KIAA0825: variants seen among roughly 807,000 people sequenced by gnomAD.
The protein encoded by KIAA0825 is KIAA0825, also known as uncharacterized protein KIAA0825.
Under a neutral mutation model 147.6 loss-of-function variants are expected in KIAA0825, and 119 were observed. The observed-to-expected ratio is 0.81, with a 90% confidence interval of 0.69 to 0.94. KIAA0825 has a LOEUF of 0.94. KIAA0825 is among the 40% of genes least tolerant of loss of function. KIAA0825 has a pLI of 0.00. For synonymous variants in KIAA0825, 470 were observed against 518.1 expected (o/e 0.91, Z 1.26); for missense variants, 1,381 against 1,472.7 (o/e 0.94, Z 1.02).
At chr5:94,307,534 A>G (rs1261764847) in intron 20 of KIAA0825, among the ~76,000 whole-genome samples, 2 of 151,716 alleles carry the variant, frequency 1.3e-5, no homozygotes, top group Non-Finnish European at 3.0e-5. Flanking sequence ...GATTTCTTCT[A>G]TTTCAACAAA....
At chr5:94,407,201 G>C (rs1422727586) in intron 15 of KIAA0825, among the ~76,000 whole-genome samples, 2 of 152,168 alleles carry the variant, frequency 1.3e-5, no homozygotes, top group Non-Finnish European at 1.5e-5. Context: ...AGAAAGCCCT[G>C]AGAAAGCGCT....
intron 2 of KIAA0825, among the ~76,000 whole-genome samples, chr5:94,580,391 T>G (rs72771702): frequency 0.043 from 6,532 of 152,294 alleles, 181 homozygotes; most frequent in Middle Eastern, 0.11. Flanking sequence ...TTATATTTAC[T>G]TTTCTAAATT....
Position 94,403,713 on chromosome 5 carries a change from G to A in KIAA0825, c.2743C>T (p.Gln915Ter), listed in dbSNP as rs1290391415. ...ALTDAIKDTV[Q>*]QIVSVMSSRR... ...GAACTCATTACAGATACTATCTGCTGTACAGTGTCCTTGATGGCATCGGTC... is the reference window on the plus strand; with the variant it reads ...GAACTCATTACAGATACTATCTGCTATACAGTGTCCTTGATGGCATCGGTC... The change falls in exon 16 of 21, where the codon CAG (glutamine) becomes TAG (stop). Residue 915 changes from glutamine to a stop codon, truncating the protein, a stop_gained. Transcript: ENST00000682413. LOFTEE classifies it high-confidence loss of function. 1 of 1,551,534 alleles carries A rather than the reference G, an allele frequency of 6.4e-7. No individual in the cohort carries two copies. Among genetic ancestry groups the A allele is most frequent in the Admixed American group, 2.0e-5 (1 of 50,986 alleles).
At position 94,565,345 on chromosome 5, in the gene KIAA0825, C is replaced by CAT. The variant is rs750214412; in HGVS notation, c.-2+17087_-2+17088insAT. Among the ~76,000 whole-genome samples the CAT allele has an allele frequency of 5.8e-5, 8 of 137,004 alleles. No individual in the cohort carries two copies. In the East Asian group the frequency reaches 1.7e-3, roughly 29 times the overall value. 89.9% of individuals were successfully genotyped at this position (137,004 alleles called of 152,430 possible). ...CATGTTTATAGCAGGATTTTAATTC[C>CAT]TTTTTTTTTTTTTTTGAGACAGAAT... On this transcript the variant is annotated intron_variant, in intron 2 of 20. Coordinates refer to ENST00000682413, the MANE Select transcript of KIAA0825 (RefSeq NM_001145678.3).
intron 5 of KIAA0825, among the ~76,000 whole-genome samples, chr5:94,494,757 TGTAGAAA>T (rs1409237452): frequency 6.6e-6 from 1 of 152,182 alleles, no homozygotes; most frequent in Non-Finnish European, 1.5e-5. Context: ...AAAATTAACC[TGTAGAAA>T]AAACTTAAAA....
At chr5:94,154,952 T>C (rs1330356802) in intron 20 of KIAA0825, among the ~76,000 whole-genome samples, 1 of 152,100 alleles carries the variant, frequency 6.6e-6, no homozygotes, top group Non-Finnish European at 1.5e-5. Context: ...ACCTAAGCTG[T>C]CCACCATAAT....
chr5:94,180,857 A>C (rs1362601780), intron 20 of KIAA0825, among the ~76,000 whole-genome samples: 4 of 151,696 alleles, frequency 2.6e-5, no homozygotes, highest in Non-Finnish European at 5.9e-5. Context: ...TATTTTTTTC[A>C]GAGTGATTTT....
intron 5 of KIAA0825, among the ~76,000 whole-genome samples, chr5:94,503,073 A>AATAT (rs1372995831): frequency 1.4e-5 from 2 of 147,236 alleles, no homozygotes; most frequent in African/African-American, 5.0e-5. Context: ...CTCAAAAAAA[A>AATAT]ATATATATAT....
rs536259039 is a variant in KIAA0825 at position 94,370,008 on chromosome 5, T to TA, written c.3710+14359dup. 2.9e-3 allele frequency among the ~76,000 whole-genome samples: 447 copies of TA among 152,280 alleles called. 4 individuals carry two copies. Among genetic ancestry groups the TA allele is most frequent in the African/African-American group, 9.8e-3 (407 of 41,554 alleles). ...ACTCCTAGGTACTATCCAAGTGAAA[T>TA]AAAAACCTATGTTCATGCAAAACCT... On this transcript the variant is annotated intron_variant, in intron 20 of 20. Coordinates refer to ENST00000682413, the MANE Select transcript of KIAA0825 (RefSeq NM_001145678.3).
At position 94,598,330 on chromosome 5, in the gene KIAA0825, T is replaced by G. The variant is rs143458130; in HGVS notation, c.-152-15747A>C. ...AGCCTAGGCCTACACAGGGTCAGGG[T>G]GATCAATATCACAGACTTCCACCTC... is the stretch of plus-strand genomic sequence containing the variant. On this transcript the variant is annotated intron_variant, in intron 1 of 20. Coordinates refer to ENST00000682413, the MANE Select transcript of KIAA0825 (RefSeq NM_001145678.3). Among the ~76,000 whole-genome samples, 777 of 152,082 alleles carry G rather than the reference T, an allele frequency of 5.1e-3. 9 individuals are homozygous for G. Among genetic ancestry groups the G allele is most frequent in the African/African-American group, 0.018 (741 of 41,486 alleles).
chr5:94,262,377 T>TA (rs1776539976), intron 20 of KIAA0825, among the ~76,000 whole-genome samples: 1 of 152,120 alleles, frequency 6.6e-6, no homozygotes, highest in South Asian at 2.1e-4. Context: ...TGATAAAATT[T>TA]AAACATTTTT....
At chr5:94,594,901 C>T (rs903230061) in intron 1 of KIAA0825, 31 of 293,156 alleles carry the variant, frequency 1.1e-4, no homozygotes, top group Non-Finnish European at 1.9e-4. Flanking sequence ...AAAAAAGCTC[C>T]AAAATAATCT....
chr5:94,462,949 T>C (rs1461465704), intron 11 of KIAA0825, among the ~76,000 whole-genome samples: 1 of 151,818 alleles, frequency 6.6e-6, no homozygotes, highest in Non-Finnish European at 1.5e-5. Context: ...ATATGTATGA[T>C]AGGTTAAAAT....
At chr5:94,166,505 T>G (rs1279664982) in intron 20 of KIAA0825, among the ~76,000 whole-genome samples, 8 of 81,294 alleles carry the variant, frequency 9.8e-5, no homozygotes, top group African/African-American at 4.0e-4. Context: ...CTCTTGGTTG[T>G]TTTTTTTTTT....
chr5:94,259,427 G>A (rs1776387218), intron 20 of KIAA0825, among the ~76,000 whole-genome samples: 1 of 151,986 alleles, frequency 6.6e-6, no homozygotes, highest in South Asian at 2.1e-4. Context: ...CCCTCAGTAA[G>A]AATGTAAAAT....
chr5:94,558,287 C>G (rs573486458), intron 2 of KIAA0825, among the ~76,000 whole-genome samples: 122 of 152,300 alleles, frequency 8.0e-4, no homozygotes, highest in African/African-American at 2.6e-3. Flanking sequence ...CAAGGACTCC[C>G]TGGTAACACT....
In KIAA0825 at chr5:94,556,446, C is replaced by T. The variant is rs561469844; in HGVS notation, c.-1-19319G>A. On this transcript the variant is annotated intron_variant, in intron 2 of 20. Coordinates refer to ENST00000682413, the MANE Select transcript of KIAA0825 (RefSeq NM_001145678.3). ...ATAACAATGATTTGAACTTAGCATG[C>T]ACTTTGTATCAAAATGCTTTCTTCT... Among the ~76,000 whole-genome samples the T allele has an allele frequency of 2.6e-5, 4 of 152,286 alleles. No homozygotes were observed. In the South Asian group the frequency reaches 6.2e-4, roughly 24 times the overall value.
intron 20 of KIAA0825, among the ~76,000 whole-genome samples, chr5:94,158,559 T>C (rs1180504956): frequency 6.6e-6 from 1 of 152,288 alleles, no homozygotes; most frequent in Admixed American, 6.5e-5. Context: ...CTGAGAAACA[T>C]TGGCTTTAGA....
intron 20 of KIAA0825, among the ~76,000 whole-genome samples, chr5:94,294,119 C>G (rs917495037): frequency 6.6e-6 from 1 of 152,068 alleles, no homozygotes; most frequent in Non-Finnish European, 1.5e-5. Context: ...GGACATTTAG[C>G]CCATTTAAAT....
Sources: gnomAD v4.1 joint callset for allele counts (sites outside exome capture counted in the v4.1 genomes callset) on GRCh38, gnomAD v4.1.1 for gene constraint, MANE v1.5 for transcripts, NCBI Gene and HGNC (gene_info 2026-07-23, HGNC 2026-07-21) for gene names.